Variants in MYOF observed in about 807,000 individuals in gnomAD.
MYOF encodes the protein myoferlin, also known as fer-1-like 3, myoferlin.
MYOF carries 244 observed loss-of-function variants against 284.2 expected under a neutral mutation model. The observed-to-expected ratio is 0.86, with a 90% CI of 0.77 to 0.95. MYOF has a LOEUF of 0.95. Ranked by LOEUF, MYOF falls within the 40% of genes least tolerant of loss-of-function variation. MYOF has a pLI of 0.00. For synonymous variants in MYOF, 904 were observed against 919.7 expected (o/e 0.98, Z 0.31); for missense variants, 2,496 against 2,560.6 (o/e 0.97, Z 0.54).
intron 53 of MYOF, among the ~76,000 whole-genome samples, 192 bp from the exon 54 acceptor site, chr10:93,307,193 C>CT (rs1456431141): frequency 8.3e-6 from 1 of 120,326 alleles, no homozygotes; most frequent in Admixed American, 7.7e-5. Flanking sequence ...GTAGCACCCC[C>CT]CCGCCAAGTT....
chr10:93,323,675 T>C (rs1258788915), intron 46 of MYOF: 1 of 333,894 alleles, frequency 3.0e-6, no homozygotes, highest in Non-Finnish European at 5.5e-6. Context: ...AACATACACA[T>C]CCCACAGGCA....
chr10:93,328,993 CTT>C, intron 44 of MYOF, 82 bp from the exon 45 acceptor site: 1 of 1,415,816 alleles, frequency 7.1e-7, no homozygotes, highest in Non-Finnish European at 9.6e-7. Context: ...CTCATGTACT[CTT>C]AGGTGCTCCC....
intron 4 of MYOF, among the ~76,000 whole-genome samples, chr10:93,429,984 G>A (rs1677729556): frequency 6.6e-6 from 1 of 151,138 alleles, no homozygotes; most frequent in Non-Finnish European, 1.5e-5. Flanking sequence ...GCCCAGGCTG[G>A]AGTGCAGTGG....
At chr10:93,479,941 TTCA>T in intron 1 of MYOF, among the ~76,000 whole-genome samples, 1 of 152,370 alleles carries the variant, frequency 6.6e-6, no homozygotes, top group Middle Eastern at 3.4e-3. Flanking sequence ...AGATATATTT[TTCA>T]TCATTTAAAA....
Position 93,351,564 on chromosome 10 carries a change from T to A in MYOF, c.3671A>T (p.Asp1224Val), listed in dbSNP as rs1228594100. The A allele has an allele frequency of 6.2e-7, 1 of 1,614,166 alleles. No individual in the cohort carries two copies. Among genetic ancestry groups the A allele is most frequent in the Admixed American group, 1.7e-5 (1 of 60,012 alleles). The change falls in exon 34 of 54, where the codon GAT becomes GTT. Residue 1224 changes from aspartate (D) to valine (V), a missense_variant. Physicochemically the swap from Asp to Val is radical, Grantham distance 152. Around this residue, in one of 3 missense-constraint regions of MYOF, gnomAD observed 2,436 missense variants for 2,480.7 expected, o/e 0.98. Coordinates refer to ENST00000359263, the MANE Select transcript of MYOF (RefSeq NM_013451.4). ...ELFDNDQVGK[D>V]EFLGRSIFSP... The stretch of plus-strand genomic sequence containing the variant: ...GAAAATGCTTCGTCCTAAAAATTCA[T>A]CTTTGCCCTAGAGAAACAAAGTGAT...
chr10:93,479,718 G>A (rs2057347803), intron 1 of MYOF, among the ~76,000 whole-genome samples: 1 of 152,160 alleles, frequency 6.6e-6, no homozygotes, highest in Non-Finnish European at 1.5e-5. Context: ...AATGTCAGCT[G>A]GAATGCAGAT....
intron 27 of MYOF, among the ~76,000 whole-genome samples, chr10:93,363,187 C>T (rs148277877): frequency 1.3e-5 from 2 of 152,292 alleles, no homozygotes; most frequent in East Asian, 3.9e-4. Flanking sequence ...AGCTATGAAA[C>T]TGTGTGTGCA....
At position 93,373,142 on chromosome 10, in the gene MYOF, A is replaced by G. The variant is rs906007242; in HGVS notation, c.2302-57T>C. ...ACAGCCATGGTTAGTCTAAATGGAG[A>G]GGGACCGAAGACCCTGCAGGCTGGA... On this transcript the variant is annotated intron_variant, in intron 23 of 53. Transcript: ENST00000359263. 16 of 1,604,760 alleles carry G rather than the reference A, an allele frequency of 1.0e-5. No homozygotes were observed. The Middle Eastern group carries it at 6.6e-4, about 66-fold the overall frequency.
chr10:93,402,411 C>T, intron 10 of MYOF, 64 bp from the exon 11 acceptor site: 1 of 1,285,946 alleles, frequency 7.8e-7, no homozygotes, highest in Non-Finnish European at 1.1e-6. Flanking sequence ...GTCTGTGATT[C>T]CTCTGCCATA....
intron 42 of MYOF, 69 bp downstream of exon 42, chr10:93,333,689 T>A (rs1242233878): frequency 1.9e-6 from 3 of 1,569,246 alleles, no homozygotes; most frequent in Non-Finnish European, 2.6e-6. Context: ...AGAAAGAACA[T>A]GACAATTATT....
rs1462219245 is a variant in MYOF at position 93,452,095 on chromosome 10, G to A, written c.191C>T (p.Ser64Phe). ...AAAATCTTTCACAATAATCCCAAGG[G>A]AAGATGAAAAGTCCAGTGGTATACC... Reference protein sequence around the residue: ...LRGIPLDFSSSLGIIVKDFET... With the variant: ...LRGIPLDFSSFLGIIVKDFET... The change falls in exon 3 of 54, where the codon TCC (serine) becomes TTC (phenylalanine). Residue 64 changes from serine to phenylalanine, a missense_variant. This residue lies in a region of MYOF where 3 missense variants were observed against 17.5 expected (regional missense o/e 0.17). Coordinates refer to ENST00000359263, the MANE Select transcript of MYOF (RefSeq NM_013451.4). 3 of 1,613,124 alleles carry A rather than the reference G, an allele frequency of 1.9e-6. No individual in the cohort carries two copies. Among genetic ancestry groups the A allele is most frequent in the East Asian group, 4.5e-5 (2 of 44,838 alleles).
intron 6 of MYOF, among the ~76,000 whole-genome samples, chr10:93,409,157 C>T (rs995721404): frequency 6.6e-6 from 1 of 152,114 alleles, no homozygotes; most frequent in Non-Finnish European, 1.5e-5. Flanking sequence ...CAAAGCCGGC[C>T]TGGGAAAGGG....
At chr10:93,307,377 C>G (rs958591853) in intron 53 of MYOF, among the ~76,000 whole-genome samples, 1 of 152,056 alleles carries the variant, frequency 6.6e-6, no homozygotes, top group African/African-American at 2.4e-5. Flanking sequence ...CTCACTGCAA[C>G]CTCCGCCTCC....
intron 7 of MYOF, among the ~76,000 whole-genome samples, chr10:93,406,239 G>A (rs1437261116): frequency 8.1e-5 from 11 of 136,406 alleles, no homozygotes; most frequent in South Asian, 2.5e-4. Context: ...TATTACAGGC[G>A]TGAGCCACCA....
At chr10:93,382,987 C>T (rs1846197844) in intron 19 of MYOF, among the ~76,000 whole-genome samples, 1 of 152,166 alleles carries the variant, frequency 6.6e-6, no homozygotes, top group South Asian at 2.1e-4. Flanking sequence ...CCTCTGCCTC[C>T]TGGATTCAAG....
At chr10:93,477,918 A>C (rs1482470255) in intron 1 of MYOF, among the ~76,000 whole-genome samples, 1 of 152,176 alleles carries the variant, frequency 6.6e-6, no homozygotes, top group Non-Finnish European at 1.5e-5. Context: ...CACCCACTGC[A>C]GTACTGTTGC....
At chr10:93,380,573 T>C (rs1188681763) in intron 20 of MYOF, among the ~76,000 whole-genome samples, 1 of 152,192 alleles carries the variant, frequency 6.6e-6, no homozygotes, top group Non-Finnish European at 1.5e-5. Context: ...CTCTCCCTTC[T>C]CTGTACTCTC....
At chr10:93,433,278 C>T (rs1003026867) in intron 3 of MYOF, among the ~76,000 whole-genome samples, 1 of 152,160 alleles carries the variant, frequency 6.6e-6, no homozygotes, top group Non-Finnish European at 1.5e-5. Context: ...CTGCCTTAGC[C>T]CCTCGAGTAG....
intron 28 of MYOF, 111 bp from the exon 29 acceptor site, chr10:93,360,089 A>G (rs1355069955): frequency 3.1e-6 from 4 of 1,294,004 alleles, no homozygotes; most frequent in African/African-American, 1.5e-5. Context: ...GTTCTGTACT[A>G]TCATGACCGA....
Sources: gnomAD v4.1 joint callset for allele counts (sites outside exome capture counted in the v4.1 genomes callset) on GRCh38, gnomAD v4.1.1 for gene constraint, gnomAD v4.1.1 regional missense constraint, MANE v1.5 for transcripts, NCBI Gene and HGNC (gene_info 2026-07-23, HGNC 2026-07-21) for gene names.